The following SLC25A4 variants were observed in gnomAD, a reference collection of about 807,000 sequenced individuals.
SLC25A4 encodes ADP/ATP translocase 1.
In SLC25A4, 10 loss-of-function variants were observed where a neutral mutation model predicts 24.7. The ratio of observed to expected loss-of-function variants is 0.41; its 90% CI spans 0.25 to 0.69. The LOEUF is 0.69. Ranked by LOEUF, SLC25A4 falls within the 30% of genes least tolerant of loss-of-function variation. The probability of loss-of-function intolerance (pLI) is 0.35; values close to 1 mark genes in which losing one functional copy is unlikely to be tolerated. For missense variants in SLC25A4, 273 were observed against 387.6 expected, an observed-to-expected ratio of 0.70 and a Z score of 2.48; for synonymous variants, 125 against 153.3, an observed-to-expected ratio of 0.82 and a Z score of 1.36.
At position 185,149,415 on chromosome 4, in the gene SLC25A4, G is replaced by A. The variant is rs938856932; in HGVS notation, c.*2444G>A. The A allele has an allele frequency of 3.3e-5, 5 of 152,282 alleles. No individual in the cohort carries two copies. Among genetic ancestry groups the A allele is most frequent in the Admixed American group, 2.6e-4 (4 of 15,278 alleles). 9.4% of individuals were successfully genotyped at this position (152,282 alleles called of 1,614,324 possible). ...TGCACATTATCTACATTCTCTGCATGTGACCCAGATGTCAGCCCTTCCGCT... is the reference window on the plus strand; with the variant it reads ...TGCACATTATCTACATTCTCTGCATATGACCCAGATGTCAGCCCTTCCGCT... On this transcript the variant is annotated 3_prime_UTR_variant, in exon 4 of 4. Coordinates refer to ENST00000281456, the MANE Select transcript of SLC25A4 (RefSeq NM_001151.4).
rs1197108896 is a variant in SLC25A4, at chr4:185,144,957, G to A, written c.305G>A (p.Gly102Asp). 6.2e-7 allele frequency: 1 copy of A among 1,614,076 alleles called. No homozygotes were observed. Among genetic ancestry groups the A allele is most frequent in the African/African-American group, 1.3e-5 (1 of 74,920 alleles). The stretch of plus-strand genomic sequence containing the variant: ...AAGTACAAGCAGCTCTTCTTAGGGG[G>A]TGTGGATCGGCATAAGCAGTTCTGG... ...KDKYKQLFLG[G>D]VDRHKQFWRY... The change falls in exon 2 of 4, where the codon GGT becomes GAT. Residue 102 changes from glycine to aspartate, a missense_variant. Gly to Asp is a moderately conservative substitution (Grantham distance 94, BLOSUM62 -1). Transcript: ENST00000281456.
At position 185,143,413 on chromosome 4, in the gene SLC25A4, C is replaced by T. The variant is rs1185195406; in HGVS notation, c.41C>T (p.Ala14Val). 22 of 1,526,270 alleles carry T rather than the reference C, an allele frequency of 1.4e-5. No homozygotes were observed. In the Admixed American group the frequency reaches 4.3e-4, roughly 30 times the overall value. 94.5% of individuals were successfully genotyped at this position (1,526,270 alleles called of 1,614,324 possible). A position where few individuals can be genotyped will look rare whatever the true frequency, so the allele number is the denominator to read the frequency against. ...HAWSFLKDFL[A>V]GGVAAAVSKT... ...TGGAGCTTCCTAAAGGACTTCCTGG[C>T]CGGGGGCGTCGCCGCTGCCGTCTCC... The change falls in exon 1 of 4, where the codon GCC (alanine) becomes GTC (valine). Residue 14 changes from alanine (A) to valine (V), a missense_variant. By Grantham distance (64) the Ala-to-Val change is moderately conservative (BLOSUM62 0). Transcript: ENST00000281456.
chr4:185,143,362 G>T lies in SLC25A4; in HGVS notation c.-11G>T. 6.7e-7 allele frequency: 1 copy of T among 1,494,872 alleles called. No homozygotes were observed. Among genetic ancestry groups the T allele is most frequent in the Non-Finnish European group, 9.1e-7 (1 of 1,102,988 alleles). The allele number at this position is 1,494,872 out of a possible 1,614,324, so 92.6% of individuals were successfully genotyped here. The stretch of plus-strand genomic sequence containing the variant: ...GGGCTGCCTGCGGGCTGAGAGCGTC[G>T]AGCTGTCACCATGGGTGATCACGCT... On this transcript the variant is annotated 5_prime_UTR_variant, in exon 1 of 4. Transcript: ENST00000281456.
rs1441024170 is a variant in SLC25A4, at chr4:185,148,672, C to A, written c.*1701C>A. 1 of 152,092 alleles carries A rather than the reference C, an allele frequency of 6.6e-6. No individual in the cohort carries two copies. Among genetic ancestry groups the A allele is most frequent in the African/African-American group, 2.4e-5 (1 of 41,402 alleles). The allele number at this position is 152,092 out of a possible 1,614,324, so 9.4% of individuals were successfully genotyped here. A position where few individuals can be genotyped will look rare whatever the true frequency, so the allele number is the denominator to read the frequency against. On this transcript the variant is annotated 3_prime_UTR_variant, in exon 4 of 4. Coordinates refer to ENST00000281456, the MANE Select transcript of SLC25A4 (RefSeq NM_001151.4). ...GAAGTCAGTTTTGGATTTGCTCCTCCGAGATTTGCGAGCCAGAGGAAAATA... is the reference window on the plus strand; with the variant it reads ...GAAGTCAGTTTTGGATTTGCTCCTCAGAGATTTGCGAGCCAGAGGAAAATA...
chr4:185,145,117 T>C lies in SLC25A4; in HGVS notation c.465T>C (p.His155=), dbSNP rs1232437035. 1 of 1,612,598 alleles carries C rather than the reference T, an allele frequency of 6.2e-7. No individual in the cohort carries two copies. Among genetic ancestry groups the C allele is most frequent in the Non-Finnish European group, 8.5e-7 (1 of 1,178,956 alleles). ...AGGGCGCCGCCCAGCGTGAGTTCCA[T>C]GGTCTGGGCGACTGTATCATCAAGA... ...VGKGAAQREF[H]GLGDCIIKIF... Residue 155 remains histidine (H), a synonymous_variant, in exon 2 of 4, where the codon CAT becomes CAC. Transcript: ENST00000281456. This position sits in a 1 kb window ranked among gnomAD's most constrained non-coding sequence, Gnocchi z 5.5.
At position 185,147,351 on chromosome 4, in the gene SLC25A4, T is replaced by G; in HGVS notation, c.*380T>G. On this transcript the variant is annotated 3_prime_UTR_variant, in exon 4 of 4. Coordinates refer to ENST00000281456, the MANE Select transcript of SLC25A4 (RefSeq NM_001151.4). ...AAAAATGCATATTTTCTAGCATGAT[T>G]CATGTATCAGTCAGCAGCCAAGCTT... is the stretch of plus-strand genomic sequence containing the variant. 9.1e-6 allele frequency: 2 copies of G among 220,418 alleles called. No homozygotes were observed. Among genetic ancestry groups the G allele is most frequent in the South Asian group, 1.5e-4 (2 of 13,658 alleles). 13.7% of individuals were successfully genotyped at this position (220,418 alleles called of 1,614,324 possible). A position where few individuals can be genotyped will look rare whatever the true frequency, so the allele number is the denominator to read the frequency against.
At position 185,148,570 on chromosome 4, in the gene SLC25A4, G is replaced by A. The variant is rs1208229927; in HGVS notation, c.*1599G>A. The stretch of plus-strand genomic sequence containing the variant: ...GTGGTAGGAGATGGAGGCTTTGAAA[G>A]AAAATAACCAGATTTAGAAACATGG... On this transcript the variant is annotated 3_prime_UTR_variant, in exon 4 of 4. Transcript: ENST00000281456. 6.6e-6 allele frequency: 1 copy of A among 152,130 alleles called. No individual in the cohort carries two copies. The highest frequency in any genetic ancestry group is 1.9e-4 in the East Asian group (1 of 5,194). 9.4% of individuals were successfully genotyped at this position (152,130 alleles called of 1,614,324 possible). A position where few individuals can be genotyped will look rare whatever the true frequency, so the allele number is the denominator to read the frequency against.
At position 185,149,446 on chromosome 4, in the gene SLC25A4, C is replaced by T. The variant is rs192241746; in HGVS notation, c.*2475C>T. On this transcript the variant is annotated 3_prime_UTR_variant, in exon 4 of 4. Transcript: ENST00000281456. ...CAGATGTCAGCCCTTCCGCTTCCTG[C>T]GAAGGTTACCTCTAATGCACGTTGC... 47 of 152,402 alleles carry T rather than the reference C, an allele frequency of 3.1e-4. No individual in the cohort carries two copies. Among genetic ancestry groups the T allele is most frequent in the African/African-American group, 1.1e-3 (44 of 41,554 alleles). The allele number at this position is 152,402 out of a possible 1,614,324, so 9.4% of individuals were successfully genotyped here. A position where few individuals can be genotyped will look rare whatever the true frequency, so the allele number is the denominator to read the frequency against.
chr4:185,148,094 G>C lies in SLC25A4; in HGVS notation c.*1123G>C, dbSNP rs1296923739. ...ACTTATTTCTCAGTTCTGTAGTCTG[G>C]AGGTCCAAGATCAAGGTGACACTGT... On this transcript the variant is annotated 3_prime_UTR_variant, in exon 4 of 4. Transcript: ENST00000281456. 6.6e-6 allele frequency: 1 copy of C among 152,178 alleles called. No homozygotes were observed. The highest frequency in any genetic ancestry group is 2.4e-5 in the African/African-American group (1 of 41,424). The allele number at this position is 152,178 out of a possible 1,614,324, so 9.4% of individuals were successfully genotyped here.
chr4:185,147,640 A>G lies in SLC25A4; in HGVS notation c.*669A>G, dbSNP rs1007188766. The G allele has an allele frequency of 2.0e-5, 3 of 152,456 alleles. No homozygotes were observed. Among genetic ancestry groups the G allele is most frequent in the African/African-American group, 7.2e-5 (3 of 41,426 alleles). The allele number at this position is 152,456 out of a possible 1,614,324, so 9.4% of individuals were successfully genotyped here. On this transcript the variant is annotated 3_prime_UTR_variant, in exon 4 of 4. Coordinates refer to ENST00000281456, the MANE Select transcript of SLC25A4 (RefSeq NM_001151.4). Reference sequence around the variant, plus strand: ...GGAAGTGCTCTGTTTTCATCCCTTTAGATAACTGTGACACCTAGAATTTTA... The same window carrying G: ...GGAAGTGCTCTGTTTTCATCCCTTTGGATAACTGTGACACCTAGAATTTTA...
At position 185,148,070 on chromosome 4, in the gene SLC25A4, C is replaced by CTT. The variant is rs890659960; in HGVS notation, c.*1100_*1101dup. 1 of 151,970 alleles carries CTT rather than the reference C, an allele frequency of 6.6e-6. No individual in the cohort carries two copies. Among genetic ancestry groups the CTT allele is most frequent in the Non-Finnish European group, 1.5e-5 (1 of 67,990 alleles). 9.4% of individuals were successfully genotyped at this position (151,970 alleles called of 1,614,324 possible). The stretch of plus-strand genomic sequence containing the variant: ...ACTGATGGCTTATAAGCAACAGAAA[C>CTT]TTATTTCTCAGTTCTGTAGTCTGGA... On this transcript the variant is annotated 3_prime_UTR_variant, in exon 4 of 4. Transcript: ENST00000281456.
Position 185,147,071 on chromosome 4 carries a change from A to T in SLC25A4, c.*100A>T. ...TAGACTATTCCTAGGGGAAGTAAAA[A>T]GATCTGGGATAAAACCAGACTGAAA... On this transcript the variant is annotated 3_prime_UTR_variant, in exon 4 of 4. Transcript: ENST00000281456. The T allele has an allele frequency of 8.7e-7, 1 of 1,146,820 alleles. No homozygotes were observed. The highest frequency in any genetic ancestry group is 1.3e-6 in the Non-Finnish European group (1 of 785,146). The allele number at this position is 1,146,820 out of a possible 1,614,324, so 71.0% of individuals were successfully genotyped here.
chr4:185,143,306 T>G lies in SLC25A4; in HGVS notation c.-67T>G. 1.1e-6 allele frequency: 1 copy of G among 941,210 alleles called. No homozygotes were observed. 58.3% of individuals were successfully genotyped at this position (941,210 alleles called of 1,614,324 possible). A position where few individuals can be genotyped will look rare whatever the true frequency, so the allele number is the denominator to read the frequency against. ...CGCAGGGTCGGGGACTGCGCGGCGG[T>G]GCCAGGCCGGGCGTGGGCGAGAGCA... On this transcript the variant is annotated 5_prime_UTR_variant, in exon 1 of 4. Coordinates refer to ENST00000281456, the MANE Select transcript of SLC25A4 (RefSeq NM_001151.4).
chr4:185,149,378 T>C lies in SLC25A4; in HGVS notation c.*2407T>C, dbSNP rs1734498081. 1 of 152,208 alleles carries C rather than the reference T, an allele frequency of 6.6e-6. No homozygotes were observed. Among genetic ancestry groups the C allele is most frequent in the African/African-American group, 2.4e-5 (1 of 41,416 alleles). 9.4% of individuals were successfully genotyped at this position (152,208 alleles called of 1,614,324 possible). The stretch of plus-strand genomic sequence containing the variant: ...AATGGGGAGGGAAGAGGCATGGACA[T>C]TTATTACATAGTGCACATTATCTAC... On this transcript the variant is annotated 3_prime_UTR_variant, in exon 4 of 4. Coordinates refer to ENST00000281456, the MANE Select transcript of SLC25A4 (RefSeq NM_001151.4).
rs113729896 is a variant in SLC25A4 at position 185,146,784 on chromosome 4, C to G, written c.740-30C>G. ...GAAAAGTCTCTTTCCTCCAGCGTTA[C>G]GGAGCCCTCACCAGCATTTGTTTCC... On this transcript the variant is annotated intron_variant, in intron 3 of 3. Transcript: ENST00000281456. 96 of 1,613,610 alleles carry G rather than the reference C, an allele frequency of 5.9e-5. No individual in the cohort carries two copies. The highest frequency in any genetic ancestry group is 3.3e-4 in the Admixed American group (20 of 60,010).
chr4:185,144,734 T>C, intron 1 of SLC25A4, 30 bp from the exon 2 acceptor site: 2 of 1,611,414 alleles, frequency 1.2e-6, no homozygotes, highest in Non-Finnish European at 8.5e-7. Flanking sequence ...ACCCTGCCTG[T>C]CCTCTGTCAC....
At position 185,143,337 on chromosome 4, in the gene SLC25A4, G is replaced by A. The variant is rs1422672694; in HGVS notation, c.-36G>A. 2 of 1,310,426 alleles carry A rather than the reference G, an allele frequency of 1.5e-6. No homozygotes were observed. The allele number at this position is 1,310,426 out of a possible 1,614,324, so 81.2% of individuals were successfully genotyped here. A position where few individuals can be genotyped will look rare whatever the true frequency, so the allele number is the denominator to read the frequency against. On this transcript the variant is annotated 5_prime_UTR_variant, in exon 1 of 4. Transcript: ENST00000281456. ...GCCGGGCGTGGGCGAGAGCACGAAC[G>A]GGCTGCCTGCGGGCTGAGAGCGTCG...
rs1734466090 is a variant in SLC25A4, at chr4:185,147,649, T to G, written c.*678T>G. 6.6e-6 allele frequency: 1 copy of G among 152,390 alleles called. No individual in the cohort carries two copies. The highest frequency in any genetic ancestry group is 1.5e-5 in the Non-Finnish European group (1 of 68,246). 9.4% of individuals were successfully genotyped at this position (152,390 alleles called of 1,614,324 possible). A position where few individuals can be genotyped will look rare whatever the true frequency, so the allele number is the denominator to read the frequency against. On this transcript the variant is annotated 3_prime_UTR_variant, in exon 4 of 4. Transcript: ENST00000281456. ...CTGTTTTCATCCCTTTAGATAACTGTGACACCTAGAATTTTATGTTAAGTA... is the reference window on the plus strand; with the variant it reads ...CTGTTTTCATCCCTTTAGATAACTGGGACACCTAGAATTTTATGTTAAGTA...
chr4:185,146,771 T>A lies in SLC25A4; in HGVS notation c.740-43T>A, dbSNP rs749294888. On this transcript the variant is annotated intron_variant, in intron 3 of 3. Transcript: ENST00000281456. Reference sequence around the variant, plus strand: ...ATATGTTTCAGGGGAAAAGTCTCTTTCCTCCAGCGTTACGGAGCCCTCACC... The same window carrying A: ...ATATGTTTCAGGGGAAAAGTCTCTTACCTCCAGCGTTACGGAGCCCTCACC... The A allele has an allele frequency of 2.5e-6, 4 of 1,612,508 alleles. No individual in the cohort carries two copies. In the Admixed American group the frequency reaches 6.7e-5, roughly 27 times the overall value.
Sources: gnomAD v4.1 joint callset for allele counts on GRCh38, gnomAD v4.1.1 for gene constraint, Gnocchi (gnomAD v3.1) non-coding constraint, MANE v1.5 for transcripts, NCBI Gene and HGNC (gene_info 2026-07-23, HGNC 2026-07-21) for gene names.